MUC4: variants seen among roughly 807,000 people sequenced by gnomAD.
MUC4 encodes the protein mucin-4.
In MUC4, 202 loss-of-function variants were observed where a neutral mutation model predicts 257.9. The observed-to-expected ratio is 0.78, with a 90% CI of 0.70 to 0.88. The LOEUF (loss-of-function observed/expected upper bound fraction) is 0.88, where lower values mean the gene tolerates loss of function less well. MUC4 is among the 40% of genes least tolerant of loss of function. MUC4 has a pLI of 0.00. For missense variants in MUC4, 5,976 were observed against 6,513.7 expected (o/e 0.92, Z 2.84); for synonymous variants, 2,351 against 2,757.1 (o/e 0.85, Z 4.62).
Position 195,778,401 on chromosome 3 carries a change from G to A in MUC4, c.12845C>T (p.Pro4282Leu). 6.2e-7 allele frequency: 1 copy of A among 1,613,206 alleles called. No homozygotes were observed. The highest frequency in any genetic ancestry group is 1.1e-5 in the South Asian group (1 of 91,066). Residue 4282 changes from proline (P) to leucine (L), a missense_variant, in exon 3 of 25, where the codon CCA becomes CTA. Coordinates refer to ENST00000463781, the MANE Select transcript of MUC4 (RefSeq NM_018406.7). ...TDGGRRTATS[P>L]PPTTSQTIIS... is the part of the protein sequence containing the mutation. ...GATGGTCTGGGAGGTTGTGGGGGGT[G>A]GTGATGTGGCTGTGCGTCTCCCACC...
In MUC4 at chr3:195,788,802, G is replaced by T; in HGVS notation, c.2778C>A (p.Ser926=). ...CTGTTGAGAAGGTGTCGGTTGCCTG[G>T]GACGCCAGGCTGATAGTGTCAGACC... is the stretch of plus-strand genomic sequence containing the variant. ...SRGSDTISLA[S]QATDTFSTVP... is the part of the protein sequence containing the mutation. Residue 926 remains serine, a synonymous_variant, in exon 2 of 25, where the codon TCC becomes TCA. Transcript: ENST00000463781. 2.5e-6 allele frequency: 4 copies of T among 1,613,900 alleles called. No individual in the cohort carries two copies. The highest frequency in any genetic ancestry group is 2.5e-6 in the Non-Finnish European group (3 of 1,179,850).
intron 7 of MUC4, among the ~76,000 whole-genome samples, chr3:195,767,672 T>TTGC (rs1560263261): frequency 2.2e-4 from 2 of 9,080 alleles, no homozygotes; most frequent in Admixed American, 2.4e-3. Flanking sequence ...ACCATCACCA[T>TTGC]CACCACCATC....
At chr3:195,749,666 T>A (rs1192568632) in intron 23 of MUC4, among the ~76,000 whole-genome samples, 2 of 152,222 alleles carry the variant, frequency 1.3e-5, no homozygotes, top group Admixed American at 6.5e-5. Context: ...TCATAATATG[T>A]CAAATGGGAA....
rs1209456219 is a variant in MUC4, at chr3:195,780,342, AG to A, written c.11237del (p.Pro3746LeufsTer513). On this transcript the variant is annotated frameshift_variant, in exon 2 of 25. Coordinates refer to ENST00000463781, the MANE Select transcript of MUC4 (RefSeq NM_018406.7). LOFTEE classifies it high-confidence loss of function. ...TGGATGCTGAGGAAGTGCTGGTGAC[AG>A]GAAGAGGGGTGACGTGACCTGTGGA... ...SASTGHVTPLPVTSTSSASTG... is the reference protein window; with the variant it reads ...SASTGHVTPLXVTSTSSASTG... 6.5e-7 allele frequency: 1 copy of A among 1,530,674 alleles called. No individual in the cohort carries two copies. The highest frequency in any genetic ancestry group is 1.4e-5 in the African/African-American group (1 of 69,752). The allele number at this position is 1,530,674 out of a possible 1,614,324, so 94.8% of individuals were successfully genotyped here.
At position 195,762,870 on chromosome 3, in the gene MUC4, G is replaced by T. The variant is rs1264206713; in HGVS notation, c.14329C>A (p.His4777Asn). ...DNQTVTFQPD[H>N]EDGGGQETFN... ...CCCAACCTACCTCCGCCGTCTTCAT[G>T]GTCAGGCTGAAATGTCACAGTCTGG... The change falls in exon 13 of 25, where the codon CAT becomes AAT. Residue 4777 changes from histidine (H) to asparagine (N), a missense_variant. Transcript: ENST00000463781. The T allele has an allele frequency of 1.1e-5, 17 of 1,566,628 alleles. No individual in the cohort carries two copies. The highest frequency in any genetic ancestry group is 1.3e-5 in the Non-Finnish European group (15 of 1,157,242).
At position 195,761,226 on chromosome 3, in the gene MUC4, C is replaced by T. The variant is rs1718825952; in HGVS notation, c.14615-109G>A. ...GGCTTGGAGCGGGGCGGTGGGAGTG[C>T]AGGGCCAGAGCGGTTTCCAGCTTCT... On this transcript the variant is annotated intron_variant, in intron 15 of 24. Transcript: ENST00000463781. 2.1e-5 allele frequency: 22 copies of T among 1,055,958 alleles called. No homozygotes were observed. In the Admixed American group the frequency reaches 4.2e-4, roughly 20 times the overall value. The allele number at this position is 1,055,958 out of a possible 1,614,324, so 65.4% of individuals were successfully genotyped here. A position where few individuals can be genotyped will look rare whatever the true frequency, so the allele number is the denominator to read the frequency against.
chr3:195,758,908 T>G (rs1160067225), intron 17 of MUC4, among the ~76,000 whole-genome samples: 4 of 152,002 alleles, frequency 2.6e-5, no homozygotes, highest in Non-Finnish European at 4.4e-5. Context: ...ACTCTAGCTA[T>G]CTGGCCAAAC....
In MUC4 at chr3:195,761,726, G is replaced by A. The variant is rs1007742698; in HGVS notation, c.14513-141C>T. On this transcript the variant is annotated intron_variant, in intron 14 of 24. Transcript: ENST00000463781. ...CTGCTGTCAGGCCTCCAGGGGAGCCGGGAGGACGGGCCCTCACACCCTGCC... is the reference window on the plus strand; with the variant it reads ...CTGCTGTCAGGCCTCCAGGGGAGCCAGGAGGACGGGCCCTCACACCCTGCC... 4.5e-6 allele frequency: 3 copies of A among 672,332 alleles called. No homozygotes were observed. The South Asian group carries it at 5.5e-5, about 12-fold the overall frequency. The allele number at this position is 672,332 out of a possible 1,614,324, so 41.6% of individuals were successfully genotyped here. A position where few individuals can be genotyped will look rare whatever the true frequency, so the allele number is the denominator to read the frequency against.
intron 3 of MUC4, among the ~76,000 whole-genome samples, chr3:195,776,825 C>G (rs1578164216): frequency 1.0e-5 from 1 of 100,030 alleles, no homozygotes; most frequent in Non-Finnish European, 2.1e-5. Context: ...CACGGCCATA[C>G]CTTCCACAGT....
chr3:195,798,037 G>A (rs181929375), intron 1 of MUC4, among the ~76,000 whole-genome samples: 10 of 152,276 alleles, frequency 6.6e-5, no homozygotes, highest in Admixed American at 6.5e-4. Context: ...AGGATCACTT[G>A]AGCCCAAGAG....
chr3:195,792,046 C>T (rs1733928367), intron 1 of MUC4, among the ~76,000 whole-genome samples: 1 of 152,138 alleles, frequency 6.6e-6, no homozygotes, highest in Admixed American at 6.5e-5. Flanking sequence ...AGAAGAAAAC[C>T]TAGGCAATAC....
rs1204289699 is a variant in MUC4 at position 195,783,126 on chromosome 3, A to G, written c.8454T>C (p.Pro2818=). ...SVSTGHATSL[P]VTDASSVFTG... is the part of the protein sequence containing the mutation. ...TGAACACTGAGGAAGCGTCGGTGACAGGAAGAGAGGTGGCGTGACCTGTGG... is the reference window on the plus strand; with the variant it reads ...TGAACACTGAGGAAGCGTCGGTGACGGGAAGAGAGGTGGCGTGACCTGTGG... Residue 2818 remains proline (P), a synonymous_variant, in exon 2 of 25, where the codon CCT becomes CCC. Coordinates refer to ENST00000463781, the MANE Select transcript of MUC4 (RefSeq NM_018406.7). 2 of 1,288,626 alleles carry G rather than the reference A, an allele frequency of 1.6e-6. No homozygotes were observed. Among genetic ancestry groups the G allele is most frequent in the Non-Finnish European group, 2.1e-6 (2 of 967,672 alleles). 79.8% of individuals were successfully genotyped at this position (1,288,626 alleles called of 1,614,324 possible). A position where few individuals can be genotyped will look rare whatever the true frequency, so the allele number is the denominator to read the frequency against.
At chr3:195,767,702 A>C (rs770638790) in intron 7 of MUC4, among the ~76,000 whole-genome samples, 1,155 of 2,790 alleles carry the variant, frequency 0.41, 174 homozygotes, top group Middle Eastern at 0.75. Flanking sequence ...CCCCCAAAAA[A>C]TACCACCATC....
At chr3:195,766,046 C>T (rs1720398467) in intron 8 of MUC4, among the ~76,000 whole-genome samples, 1 of 152,132 alleles carries the variant, frequency 6.6e-6, no homozygotes, top group African/African-American at 2.4e-5. Flanking sequence ...CTGCAACCTC[C>T]ACCTCCCAGG....
intron 1 of MUC4, among the ~76,000 whole-genome samples, chr3:195,802,380 T>TCTGCACCCCTGCTCTCAGCCTCCA (rs1553890514): frequency 8.8e-5 from 3 of 33,968 alleles, no homozygotes; most frequent in African/African-American, 1.6e-4. Context: ...TGACTCGGGT[T>TCTGCACCCCTGCTCTCAGCCTCCA]CCGCACCCCT....
intron 5 of MUC4, 136 bp downstream of exon 5, chr3:195,771,516 C>T: frequency 9.7e-7 from 1 of 1,030,138 alleles, no homozygotes; most frequent in Non-Finnish European, 1.4e-6. Flanking sequence ...TGCTTCCTCC[C>T]ACACCCATAT....
In MUC4 at chr3:195,757,752, C is replaced by T. The variant is rs1717950107; in HGVS notation, c.14987-424G>A. Reference sequence around the variant, plus strand: ...CCTTTGCCCTGATTTCTCACCCACCCCCCACTTCCTGGACCTTTCCCAGAC... The same window carrying T: ...CCTTTGCCCTGATTTCTCACCCACCTCCCACTTCCTGGACCTTTCCCAGAC... On this transcript the variant is annotated intron_variant, in intron 17 of 24. Coordinates refer to ENST00000463781, the MANE Select transcript of MUC4 (RefSeq NM_018406.7). This position sits in a 1 kb window ranked among gnomAD's most constrained non-coding sequence, Gnocchi z 4.8. 6.6e-6 allele frequency among the ~76,000 whole-genome samples: 1 copy of T among 152,140 alleles called. No homozygotes were observed. The highest frequency in any genetic ancestry group is 1.5e-5 in the Non-Finnish European group (1 of 68,012).
intron 3 of MUC4, 93 bp from the exon 4 acceptor site, chr3:195,774,398 C>G: frequency 7.1e-7 from 1 of 1,413,858 alleles, no homozygotes; most frequent in Non-Finnish European, 9.3e-7. Flanking sequence ...GCAGGCTGCC[C>G]ACACCTGTCC....
At position 195,779,096 on chromosome 3, in the gene MUC4, G is replaced by A. The variant is rs988611685; in HGVS notation, c.12484C>T (p.Pro4162Ser). The change falls in exon 2 of 25, where the codon CCT becomes TCT. Residue 4162 changes from proline to serine, a missense_variant. By Grantham distance (74) the Pro-to-Ser change is moderately conservative (BLOSUM62 -1). This residue lies in a region of MUC4 where 293 missense variants were observed against 294.5 expected (regional missense o/e 1.00). Transcript: ENST00000463781. The part of the protein sequence containing the change: ...SASSGHTTSL[P>S]VTDASSVSTG... Reference sequence around the variant, plus strand: ...GACACTGAGGAAGCGTCGGTGACAGGAAGAGAGGTGGTGTGACCTGAGGAT... The same window carrying A: ...GACACTGAGGAAGCGTCGGTGACAGAAAGAGAGGTGGTGTGACCTGAGGAT... The A allele has an allele frequency of 1.3e-6, 2 of 1,502,450 alleles. No individual in the cohort carries two copies. Among genetic ancestry groups the A allele is most frequent in the East Asian group, 2.5e-5 (1 of 39,758 alleles). 93.1% of individuals were successfully genotyped at this position (1,502,450 alleles called of 1,614,324 possible). A position where few individuals can be genotyped will look rare whatever the true frequency, so the allele number is the denominator to read the frequency against.
Sources: gnomAD v4.1 joint callset for allele counts (sites outside exome capture counted in the v4.1 genomes callset) on GRCh38, gnomAD v4.1.1 for gene constraint, gnomAD v4.1.1 regional missense constraint, Gnocchi (gnomAD v3.1) non-coding constraint, MANE v1.5 for transcripts, NCBI Gene and HGNC (gene_info 2026-07-23, HGNC 2026-07-21) for gene names.